The following PDE7A variants were observed in gnomAD, a reference collection of about 807,000 sequenced individuals.
PDE7A encodes the protein phosphodiesterase 7A.
A neutral mutation model predicts 64.3 loss-of-function variants in PDE7A; 39 were observed. The observed-to-expected ratio is 0.61, with a 90% CI of 0.47 to 0.79. PDE7A has a LOEUF of 0.79. Ranked by LOEUF, PDE7A falls within the 30% of genes least tolerant of loss-of-function variation. The pLI is 0.00. For missense variants in PDE7A, 470 were observed against 582.8 expected (o/e 0.81, Z 1.99); for synonymous variants, 203 against 206.8 (o/e 0.98, Z 0.16).
intron 1 of PDE7A, among the ~76,000 whole-genome samples, chr8:65,798,937 G>A (rs1363495086): frequency 1.3e-5 from 2 of 152,116 alleles, no homozygotes; most frequent in Admixed American, 6.5e-5. Flanking sequence ...ACTAATACAT[G>A]CAATGAAATA....
rs1287048984 is a variant in PDE7A, at chr8:65,718,992, A to G, written c.*298T>C. 7.5e-6 allele frequency: 3 copies of G among 401,362 alleles called. No individual in the cohort carries two copies. In the East Asian group the frequency reaches 1.4e-4, roughly 19 times the overall value. The allele number at this position is 401,362 out of a possible 1,614,324, so 24.9% of individuals were successfully genotyped here. A position where few individuals can be genotyped will look rare whatever the true frequency, so the allele number is the denominator to read the frequency against. On this transcript the variant is annotated 3_prime_UTR_variant, in exon 13 of 13. Coordinates refer to ENST00000401827, the MANE Select transcript of PDE7A (RefSeq NM_001242318.3). ...ACGTTTTGAAGATTAGATGCTTTGA[A>G]AAAGTCGTGGCACATATCAAAACTT...
At position 65,730,175 on chromosome 8, in the gene PDE7A, T is replaced by C. The variant is rs1414996973; in HGVS notation, c.697-2874A>G. Among the ~76,000 whole-genome samples the C allele has an allele frequency of 1.3e-3, 89 of 69,814 alleles. 9 individuals are homozygous for C. Among genetic ancestry groups the C allele is most frequent in the Non-Finnish European group, 1.9e-3 (68 of 34,992 alleles). The allele number at this position is 69,814 out of a possible 152,430, so 45.8% of individuals were successfully genotyped here. ...AGGGATCCAGGTTGCGCACTTCTTTTTTTTTTTTTTTTTTTTTTTTTTGAG... is the reference window on the plus strand; with the variant it reads ...AGGGATCCAGGTTGCGCACTTCTTTCTTTTTTTTTTTTTTTTTTTTTTGAG... On this transcript the variant is annotated intron_variant, in intron 7 of 12. Transcript: ENST00000401827.
chr8:65,739,590 A>G lies in PDE7A; in HGVS notation c.507T>C (p.Ser169=), dbSNP rs762819204. The G allele has an allele frequency of 2.2e-5, 33 of 1,521,974 alleles. No individual in the cohort carries two copies. Among genetic ancestry groups the G allele is most frequent in the Middle Eastern group, 1.7e-4 (1 of 5,774 alleles). 94.3% of individuals were successfully genotyped at this position (1,521,974 alleles called of 1,614,324 possible). A position where few individuals can be genotyped will look rare whatever the true frequency, so the allele number is the denominator to read the frequency against. The change falls in exon 6 of 13, where the codon AGT becomes AGC. Residue 169 remains serine (S), a synonymous_variant. Transcript: ENST00000401827. ...ATAAATGAAAGGTTAAGCTTACTAG[A>G]CTATTTCCTAAAAAGAAAGAAGAGA... The part of the protein sequence containing the change: ...FLFDRLTNGN[S]LVSLTFHLFS...
At chr8:65,733,558 T>C (rs1806994945) in intron 7 of PDE7A, among the ~76,000 whole-genome samples, 1 of 151,994 alleles carries the variant, frequency 6.6e-6, no homozygotes, top group Non-Finnish European at 1.5e-5. Context: ...ATGTCGAGGC[T>C]GCAGTGAGCC....
intron 1 of PDE7A, among the ~76,000 whole-genome samples, chr8:65,826,201 TTG>T (rs1331671054): frequency 6.6e-6 from 1 of 152,208 alleles, no homozygotes; most frequent in Admixed American, 6.5e-5. Context: ...GGAGTTTGAA[TTG>T]TGTTTTACTG....
intron 1 of PDE7A, among the ~76,000 whole-genome samples, chr8:65,820,672 C>G (rs1462757960): frequency 6.6e-6 from 1 of 152,138 alleles, no homozygotes; most frequent in Non-Finnish European, 1.5e-5. Context: ...TCACTGTAAC[C>G]TCTGCCTCCT....
intron 1 of PDE7A, among the ~76,000 whole-genome samples, chr8:65,827,107 A>G (rs1810696761): frequency 1.3e-5 from 2 of 152,216 alleles, no homozygotes; most frequent in Non-Finnish European, 2.9e-5. Flanking sequence ...GGTGAACAAG[A>G]ATTGTTGGTA....
chr8:65,795,767 G>A (rs1809824247), intron 1 of PDE7A, among the ~76,000 whole-genome samples: 1 of 151,892 alleles, frequency 6.6e-6, no homozygotes. Flanking sequence ...TTTAAAAGAT[G>A]ACAAATCAAA....
At chr8:65,748,380 T>A (rs1279020338) in intron 3 of PDE7A, among the ~76,000 whole-genome samples, 1 of 152,166 alleles carries the variant, frequency 6.6e-6, no homozygotes, top group Non-Finnish European at 1.5e-5. Context: ...GGGATAAAAA[T>A]TATTAAGGTG....
chr8:65,773,293 A>T (rs1809164843), intron 3 of PDE7A, among the ~76,000 whole-genome samples: 1 of 152,172 alleles, frequency 6.6e-6, no homozygotes, highest in Admixed American at 6.5e-5. Context: ...AACTCCTCTA[A>T]ATTATATTAC....
At chr8:65,761,230 T>C (rs1808480808) in intron 3 of PDE7A, among the ~76,000 whole-genome samples, 1 of 152,074 alleles carries the variant, frequency 6.6e-6, no homozygotes, top group African/African-American at 2.4e-5. Flanking sequence ...CATGCCCAGC[T>C]AATGTTTGTA....
intron 7 of PDE7A, among the ~76,000 whole-genome samples, chr8:65,729,243 T>C (rs769650180): frequency 6.6e-5 from 10 of 152,036 alleles, no homozygotes; most frequent in Admixed American, 2.0e-4. Flanking sequence ...TTCAATAAAA[T>C]AGAAAACTAT....
intron 5 of PDE7A, among the ~76,000 whole-genome samples, chr8:65,744,031 C>T (rs907487864): frequency 2.0e-5 from 3 of 152,146 alleles, no homozygotes; most frequent in Non-Finnish European, 4.4e-5. Context: ...TGGGGTTTTG[C>T]CATGTTGGCC....
At chr8:65,778,863 T>C (rs762121656) in intron 3 of PDE7A, among the ~76,000 whole-genome samples, 3 of 152,214 alleles carry the variant, frequency 2.0e-5, no homozygotes, top group African/African-American at 4.8e-5. Flanking sequence ...TTCTAAGACA[T>C]AGCACTTTAG....
In PDE7A at chr8:65,766,057, T is replaced by C. The variant is rs374817114; in HGVS notation, c.283+13663A>G. ...GCCTCTTGGGTTCATGCCATTCTCC[T>C]GCCTCAGCCTCCCGAGCAGCTGGGA... On this transcript the variant is annotated intron_variant, in intron 3 of 12. Coordinates refer to ENST00000401827, the MANE Select transcript of PDE7A (RefSeq NM_001242318.3). Among the ~76,000 whole-genome samples the C allele has an allele frequency of 2.2e-4, 33 of 152,322 alleles. No homozygotes were observed. The East Asian group carries it at 6.0e-3, about 28-fold the overall frequency.
intron 1 of PDE7A, among the ~76,000 whole-genome samples, chr8:65,798,164 A>G (rs1029793690): frequency 1.2e-4 from 17 of 141,902 alleles, no homozygotes; most frequent in African/African-American, 2.6e-4. Flanking sequence ...AAATATATAC[A>G]TGTGTGTGTG....
At chr8:65,765,682 C>T (rs1210887794) in intron 3 of PDE7A, 1 of 152,076 alleles carries the variant, frequency 6.6e-6, no homozygotes, top group East Asian at 1.9e-4. Context: ...ACCAGGCCCT[C>T]CAGTCTGGAT....
At chr8:65,782,911 A>C in intron 1 of PDE7A, 68 bp from the exon 2 acceptor site, 2 of 873,518 alleles carry the variant, frequency 2.3e-6, no homozygotes, top group Non-Finnish European at 3.7e-6. Flanking sequence ...CTCAACAAAC[A>C]TGTATTCATC....
chr8:65,747,534 G>A, intron 4 of PDE7A, 118 bp downstream of exon 4: 1 of 548,318 alleles, frequency 1.8e-6, no homozygotes, highest in Admixed American at 4.1e-5. Flanking sequence ...TGGAAAATAG[G>A]CTCAACTGCT....
Sources: allele counts gnomAD v4.1 joint callset (sites outside exome capture counted in the v4.1 genomes callset), GRCh38; gene constraint gnomAD v4.1.1; transcripts MANE v1.5; gene names NCBI Gene and HGNC (gene_info 2026-07-23, HGNC 2026-07-21).